ZC3H15: variants seen among roughly 807,000 people sequenced by gnomAD.
ZC3H15 encodes the protein zinc finger CCCH-type containing 15, also known as zinc finger CCCH domain-containing protein 15.
Under a neutral mutation model 51.2 loss-of-function variants are expected in ZC3H15, and 15 were observed. That is an observed-to-expected ratio of 0.29 (90% CI 0.20 to 0.45). The LOEUF is 0.45. ZC3H15 is among the 20% of genes least tolerant of loss of function. The pLI is 1.00. For synonymous variants in ZC3H15, 144 were observed against 162.8 expected, an observed-to-expected ratio of 0.88 and a Z score of 0.88; for missense variants, 381 against 494.7, an observed-to-expected ratio of 0.77 and a Z score of 2.18.
rs769563480 is a variant in ZC3H15, at chr2:186,505,964, A to G, written c.966+123A>G. 4.9e-5 allele frequency: 47 copies of G among 953,276 alleles called. No individual in the cohort carries two copies. In the Middle Eastern group the frequency reaches 6.2e-4, roughly 13 times the overall value. The allele number at this position is 953,276 out of a possible 1,614,324, so 59.1% of individuals were successfully genotyped here. A position where few individuals can be genotyped will look rare whatever the true frequency, so the allele number is the denominator to read the frequency against. On this transcript the variant is annotated intron_variant, in intron 8 of 9. Transcript: ENST00000337859. ...GTGCCTGGGTTCAAATCCTTACTCCAACCATGGGAAATTAATCTAGGCCTC... is the reference window on the plus strand; with the variant it reads ...GTGCCTGGGTTCAAATCCTTACTCCGACCATGGGAAATTAATCTAGGCCTC...
intron 1 of ZC3H15, 172 bp from the exon 2 acceptor site, chr2:186,495,061 T>A (rs1255679650): frequency 2.7e-6 from 1 of 376,032 alleles, no homozygotes; most frequent in Non-Finnish European, 4.9e-6. Context: ...TTGTAAAGAA[T>A]CTGGGTGATG....
At chr2:186,487,935 T>G (rs1172555539) in intron 1 of ZC3H15, among the ~76,000 whole-genome samples, 1 of 152,210 alleles carries the variant, frequency 6.6e-6, no homozygotes, top group Non-Finnish European at 1.5e-5. Flanking sequence ...GAAAGTTGTT[T>G]ATAGTATCCA....
At chr2:186,495,823 TA>T (rs1685272618) in intron 2 of ZC3H15, among the ~76,000 whole-genome samples, 2 of 152,246 alleles carry the variant, frequency 1.3e-5, no homozygotes, top group Admixed American at 6.5e-5. Flanking sequence ...CAATAGATAC[TA>T]AAGTTCTTTT....
At chr2:186,499,442 A>G (rs932718015) in intron 2 of ZC3H15, among the ~76,000 whole-genome samples, 2 of 152,096 alleles carry the variant, frequency 1.3e-5, no homozygotes, top group African/African-American at 4.8e-5. Flanking sequence ...ATCAAGAAAA[A>G]CTCATCCATA....
chr2:186,497,008 C>G (rs566746754), intron 2 of ZC3H15: 18 of 329,482 alleles, frequency 5.5e-5, no homozygotes, highest in African/African-American at 4.1e-4. Flanking sequence ...TTCTTTCATA[C>G]GAATTTTAAA....
At chr2:186,503,811 T>A (rs780483105) in intron 5 of ZC3H15, among the ~76,000 whole-genome samples, 2 of 152,240 alleles carry the variant, frequency 1.3e-5, no homozygotes, top group African/African-American at 2.4e-5. Context: ...TAGATTCCCC[T>A]TTAAGGGAAT....
intron 1 of ZC3H15, among the ~76,000 whole-genome samples, chr2:186,494,393 C>T (rs1181189994): frequency 1.3e-5 from 2 of 152,132 alleles, no homozygotes; most frequent in Non-Finnish European, 2.9e-5. Flanking sequence ...CTGAATGTAT[C>T]TTCCTCTTCT....
intron 9 of ZC3H15, chr2:186,507,503 T>G: frequency 2.2e-6 from 1 of 456,392 alleles, no homozygotes; most frequent in Non-Finnish European, 4.4e-6. Flanking sequence ...TGATAAAAGA[T>G]TAGTTATAGA....
At chr2:186,498,747 T>G (rs1685328536) in intron 2 of ZC3H15, among the ~76,000 whole-genome samples, 1 of 152,206 alleles carries the variant, frequency 6.6e-6, no homozygotes, top group Non-Finnish European at 1.5e-5. Context: ...TTAGGTTCTT[T>G]TGTCCCATTT....
rs1381878967 is a variant in ZC3H15, at chr2:186,486,297, G to C, written c.-86G>C. 2 of 1,345,608 alleles carry C rather than the reference G, an allele frequency of 1.5e-6. No homozygotes were observed. Among genetic ancestry groups the C allele is most frequent in the Non-Finnish European group, 1.9e-6 (2 of 1,025,862 alleles). 83.4% of individuals were successfully genotyped at this position (1,345,608 alleles called of 1,614,324 possible). On this transcript the variant is annotated 5_prime_UTR_variant, in exon 1 of 10. Coordinates refer to ENST00000337859, the MANE Select transcript of ZC3H15 (RefSeq NM_018471.3). ...GTGCGGTGCGGCGAGTGAGGCCCCG[G>C]TCTTCCTCCTCGTCCTGCCGCAGGG...
intron 1 of ZC3H15, among the ~76,000 whole-genome samples, chr2:186,491,110 G>A (rs1348098208): frequency 1.3e-5 from 2 of 152,062 alleles, no homozygotes; most frequent in African/African-American, 2.4e-5. Context: ...AGGTGCTATT[G>A]GTATCTCAGA....
chr2:186,504,285 T>TG, intron 6 of ZC3H15, 71 bp downstream of exon 6: 1 of 1,255,020 alleles, frequency 8.0e-7, no homozygotes. Context: ...TACTTACCAC[T>TG]TGGGGCAATA....
At chr2:186,495,662 A>G (rs1356031390) in intron 2 of ZC3H15, among the ~76,000 whole-genome samples, 1 of 152,204 alleles carries the variant, frequency 6.6e-6, no homozygotes, top group African/African-American at 2.4e-5. Flanking sequence ...GAGTTCTTAC[A>G]TGTGTTTATG....
In ZC3H15 at chr2:186,508,610, C is replaced by T. The variant is rs1337164541; in HGVS notation, c.1158C>T (p.Asp386=). ...GTGAAAGAAGTGACTTGGAAGAGGA[C>T]AACGAGAGGGAGGGAACGGAAAATG... The part of the protein sequence containing the change: ...ENGERSDLEE[D]NEREGTENGA... The change falls in exon 10 of 10, where the codon GAC becomes GAT. Residue 386 remains aspartate (D), a synonymous_variant. Coordinates refer to ENST00000337859, the MANE Select transcript of ZC3H15 (RefSeq NM_018471.3). 1 of 1,613,504 alleles carries T rather than the reference C, an allele frequency of 6.2e-7. No individual in the cohort carries two copies. Among genetic ancestry groups the T allele is most frequent in the Non-Finnish European group, 8.5e-7 (1 of 1,179,652 alleles).
At chr2:186,497,726 A>G (rs992028893) in intron 2 of ZC3H15, among the ~76,000 whole-genome samples, 2 of 152,258 alleles carry the variant, frequency 1.3e-5, no homozygotes, top group South Asian at 4.1e-4. Flanking sequence ...TCTAGTGGAA[A>G]GTGTTTTGAG....
intron 1 of ZC3H15, among the ~76,000 whole-genome samples, chr2:186,493,868 C>A (rs182289003): frequency 4.0e-5 from 6 of 148,176 alleles, no homozygotes; most frequent in Non-Finnish European, 7.4e-5. Context: ...CTAGGGCCTA[C>A]CTTAATCTAG....
chr2:186,491,604 G>C (rs1014110221), intron 1 of ZC3H15, among the ~76,000 whole-genome samples: 3 of 152,136 alleles, frequency 2.0e-5, no homozygotes, highest in African/African-American at 7.2e-5. Flanking sequence ...CTGTGGCAAA[G>C]AGGGTAATTT....
rs1206578549 is a variant in ZC3H15 at position 186,500,311 on chromosome 2, G to C, written c.289+18G>C. 6.4e-7 allele frequency: 1 copy of C among 1,569,648 alleles called. No individual in the cohort carries two copies. The highest frequency in any genetic ancestry group is 2.3e-5 in the East Asian group (1 of 44,442). On this transcript the variant is annotated intron_variant, in intron 3 of 9. Coordinates refer to ENST00000337859, the MANE Select transcript of ZC3H15 (RefSeq NM_018471.3). Reference sequence around the variant, plus strand: ...AAGTAAAGGTAAACTTAAAATTTCAGAAGTGTGATTTTTTATCAAATGTAG... The same window carrying C: ...AAGTAAAGGTAAACTTAAAATTTCACAAGTGTGATTTTTTATCAAATGTAG...
At chr2:186,504,858 C>A (rs1018344094) in intron 6 of ZC3H15, among the ~76,000 whole-genome samples, 1 of 152,178 alleles carries the variant, frequency 6.6e-6, no homozygotes, top group Admixed American at 6.5e-5. Flanking sequence ...ATGTAGACTT[C>A]AGAATCAGGT....
Sources: gnomAD v4.1 joint callset for allele counts (sites outside exome capture counted in the v4.1 genomes callset) on GRCh38, gnomAD v4.1.1 for gene constraint, MANE v1.5 for transcripts, NCBI Gene and HGNC (gene_info 2026-07-23, HGNC 2026-07-21) for gene names.